Variants in DIAPH2 observed in about 807,000 individuals in gnomAD.
DIAPH2 encodes protein diaphanous homolog 2.
Under a neutral mutation model 92.7 loss-of-function variants are expected in DIAPH2, and 35 were observed. That is an observed-to-expected ratio of 0.38 (90% CI 0.29 to 0.50). The LOEUF (loss-of-function observed/expected upper bound fraction) is 0.50. Among genes scored for constraint, DIAPH2 ranks in the 20% least tolerant of loss-of-function variants. The probability of loss-of-function intolerance (pLI) is 0.94; values close to 1 mark genes in which losing one functional copy is unlikely to be tolerated. For synonymous variants in DIAPH2, 301 were observed against 280.4 expected, an observed-to-expected ratio of 1.07 and a Z score of -0.73; for missense variants, 701 against 819.5, an observed-to-expected ratio of 0.86 and a Z score of 1.77.
chrX:96,837,311 A>G (rs750902865), intron 4 of DIAPH2, among the ~76,000 whole-genome samples: 1 of 110,402 alleles, frequency 9.1e-6, no homozygotes, highest in Non-Finnish European at 1.9e-5. Context: ...ATGAGTTTAC[A>G]TCTAATAAGA....
intron 26 of DIAPH2, among the ~76,000 whole-genome samples, chrX:97,580,401 G>A (rs1455747793): frequency 9.7e-6 from 1 of 103,355 alleles, no homozygotes; most frequent in Non-Finnish European, 2.0e-5. Flanking sequence ...TTTGTCAAAG[G>A]CCTTTTCTGC....
chrX:97,024,966 T>C, intron 17 of DIAPH2, among the ~76,000 whole-genome samples: 1 of 111,992 alleles, frequency 8.9e-6, no homozygotes. Flanking sequence ...TATCACTGTA[T>C]TGGAAACGTT....
chrX:96,720,764 TC>T (rs2063984159), intron 1 of DIAPH2, among the ~76,000 whole-genome samples: 1 of 111,545 alleles, frequency 9.0e-6, no homozygotes, highest in Admixed American at 9.5e-5. Context: ...TAAATATACT[TC>T]CAGAGAGCTT....
intron 23 of DIAPH2, among the ~76,000 whole-genome samples, chrX:97,333,088 G>A: frequency 9.0e-6 from 1 of 111,628 alleles, no homozygotes; most frequent in Non-Finnish European, 1.9e-5. Flanking sequence ...TCCTATATTT[G>A]GGGGGAGTAT....
intron 26 of DIAPH2, among the ~76,000 whole-genome samples, chrX:97,439,901 G>C (rs973374168): frequency 1.8e-5 from 2 of 111,487 alleles, no homozygotes; most frequent in Non-Finnish European, 3.8e-5. Context: ...TGGTCGAATA[G>C]GGGCAAATCA....
At chrX:96,702,966 C>A (rs1979519484) in intron 1 of DIAPH2, among the ~76,000 whole-genome samples, 1 of 111,664 alleles carries the variant, frequency 9.0e-6, no homozygotes, top group African/African-American at 3.3e-5. Flanking sequence ...CTCCTACTAC[C>A]ATCACATGGG....
At chrX:96,995,591 A>G (rs1220775662) in intron 17 of DIAPH2, among the ~76,000 whole-genome samples, 1 of 111,508 alleles carries the variant, frequency 9.0e-6, no homozygotes, top group Non-Finnish European at 1.9e-5. Flanking sequence ...TTATTAATAT[A>G]TAATACCTTA....
chrX:97,305,545 C>G (rs749862075), intron 23 of DIAPH2, among the ~76,000 whole-genome samples: 2 of 108,601 alleles, frequency 1.8e-5, no homozygotes, highest in Non-Finnish European at 3.8e-5. Context: ...ATTGGCTAGG[C>G]GCGGTGGCTC....
chrX:96,706,358 G>C (rs1364539074), intron 1 of DIAPH2, among the ~76,000 whole-genome samples: 1 of 112,183 alleles, frequency 8.9e-6, no homozygotes, highest in Non-Finnish European at 1.9e-5. Flanking sequence ...GGATCTAGAG[G>C]TTAAGAACTA....
chrX:97,584,815 T>A lies in DIAPH2; in HGVS notation c.3242-14438T>A, dbSNP rs1310772731. ...AGGAAGCAAAAAAGTATTCAGTACA[T>A]ATTTACCACTCAATTTTTAGATAGT... On this transcript the variant is annotated intron_variant, in intron 26 of 26. Coordinates refer to ENST00000324765, the MANE Select transcript of DIAPH2 (RefSeq NM_006729.5). 2.7e-5 allele frequency among the ~76,000 whole-genome samples: 3 copies of A among 112,707 alleles called. No homozygotes were observed. In the Admixed American group the frequency reaches 2.8e-4, roughly 11 times the overall value.
intron 5 of DIAPH2, among the ~76,000 whole-genome samples, chrX:96,902,152 G>T (rs902486343): frequency 1.8e-5 from 2 of 111,933 alleles, no homozygotes; most frequent in Non-Finnish European, 3.8e-5. Context: ...GAAGATGCTT[G>T]ATCTGATTTT....
chrX:97,004,199 T>G (rs2066164026), intron 17 of DIAPH2, among the ~76,000 whole-genome samples: 1 of 111,721 alleles, frequency 9.0e-6, no homozygotes, highest in South Asian at 3.8e-4. Flanking sequence ...AGATCTGTAG[T>G]ATAATTTGAA....
At chrX:96,777,988 T>C (rs905396880) in intron 4 of DIAPH2, among the ~76,000 whole-genome samples, 5 of 106,530 alleles carry the variant, frequency 4.7e-5, no homozygotes, top group Admixed American at 3.1e-4. Flanking sequence ...CCCATTAACT[T>C]GTCATTTAGC....
chrX:97,235,789 T>G (rs1476836180), intron 22 of DIAPH2, among the ~76,000 whole-genome samples: 1 of 110,215 alleles, frequency 9.1e-6, no homozygotes, highest in African/African-American at 3.3e-5. Flanking sequence ...TAGACAAAAC[T>G]ACATAAAGTA....
At chrX:97,171,002 G>T (rs892844330) in intron 22 of DIAPH2, among the ~76,000 whole-genome samples, 5 of 110,241 alleles carry the variant, frequency 4.5e-5, no homozygotes, top group Non-Finnish European at 1.9e-5. Flanking sequence ...TCAGCCCCAC[G>T]AGTAGCTGGA....
chrX:96,981,894 A>G (rs926543642), intron 17 of DIAPH2, among the ~76,000 whole-genome samples: 1 of 111,637 alleles, frequency 9.0e-6, no homozygotes, highest in African/African-American at 3.3e-5. Context: ...AAGGGTATTA[A>G]TACATGAATT....
intron 26 of DIAPH2, among the ~76,000 whole-genome samples, chrX:97,524,103 G>A (rs1048317267): frequency 2.7e-5 from 3 of 111,408 alleles, no homozygotes; most frequent in Non-Finnish European, 3.8e-5. Flanking sequence ...ATCACCACCC[G>A]TCATGTATTT....
At chrX:96,936,255 C>A (rs765356044) in intron 10 of DIAPH2, among the ~76,000 whole-genome samples, 7 of 111,488 alleles carry the variant, frequency 6.3e-5, no homozygotes, top group Non-Finnish European at 1.3e-4. Flanking sequence ...TGTTTGGCTT[C>A]AGTAATAGCC....
intron 25 of DIAPH2, among the ~76,000 whole-genome samples, chrX:97,420,185 T>A (rs2069993806): frequency 8.9e-6 from 1 of 111,775 alleles, no homozygotes; most frequent in Admixed American, 9.5e-5. Context: ...TCAAACTCTC[T>A]CACCTTATGC....
Sources: gnomAD v4.1 joint callset for allele counts (sites outside exome capture counted in the v4.1 genomes callset) on GRCh38, gnomAD v4.1.1 for gene constraint, MANE v1.5 for transcripts, NCBI Gene and HGNC (gene_info 2026-07-23, HGNC 2026-07-21) for gene names.